The following SRBD1 variants were observed in gnomAD, a reference collection of about 807,000 sequenced individuals.
SRBD1 encodes the protein S1 RNA binding domain 1.
A neutral mutation model predicts 115.3 loss-of-function variants in SRBD1; 88 were observed. The observed-to-expected ratio is 0.76, with a 90% CI of 0.64 to 0.91. The LOEUF (loss-of-function observed/expected upper bound fraction) is 0.91. Ranked by LOEUF, SRBD1 falls within the 40% of genes least tolerant of loss-of-function variation. The pLI is 0.00. For synonymous variants in SRBD1, 509 were observed against 407.7 expected (o/e 1.25, Z -2.99); for missense variants, 1,385 against 1,177.4 (o/e 1.18, Z -2.58).
intron 19 of SRBD1, among the ~76,000 whole-genome samples, chr2:45,406,937 A>C (rs1369312119): frequency 6.6e-6 from 1 of 152,156 alleles, no homozygotes; most frequent in African/African-American, 2.4e-5. Flanking sequence ...TGTGCAGAAT[A>C]ATACATAGAG....
At chr2:45,585,835 T>A in intron 4 of SRBD1, 61 bp from the exon 5 acceptor site, 5 of 1,344,362 alleles carry the variant, frequency 3.7e-6, no homozygotes, top group Non-Finnish European at 4.0e-6. Flanking sequence ...ATATCATGTA[T>A]AATTTAAAAC....
chr2:45,475,848 G>A (rs542739790), intron 16 of SRBD1, among the ~76,000 whole-genome samples: 14 of 152,256 alleles, frequency 9.2e-5, no homozygotes, highest in South Asian at 2.1e-4. Flanking sequence ...ACAGGTGCGC[G>A]CCACCATACC....
chr2:45,476,914 A>T, intron 16 of SRBD1, 79 bp downstream of exon 16: 1 of 1,312,824 alleles, frequency 7.6e-7, no homozygotes, highest in Admixed American at 1.8e-5. Context: ...TCCCACAGAC[A>T]CTTAATTACT....
At chr2:45,488,168 T>G in intron 15 of SRBD1, 72 bp downstream of exon 15, 8 of 1,289,906 alleles carry the variant, frequency 6.2e-6, no homozygotes, top group African/African-American at 1.5e-5. Context: ...ATATTTAGAA[T>G]ATTTAGCATG....
At chr2:45,521,425 G>C (rs1042803370) in intron 14 of SRBD1, among the ~76,000 whole-genome samples, 2 of 151,756 alleles carry the variant, frequency 1.3e-5, no homozygotes, top group South Asian at 2.1e-4. Flanking sequence ...TTAGTCACTA[G>C]GGAAATGTAA....
At chr2:45,481,448 T>C (rs1669960759) in intron 15 of SRBD1, among the ~76,000 whole-genome samples, 2 of 151,706 alleles carry the variant, frequency 1.3e-5, no homozygotes, top group African/African-American at 2.4e-5. Context: ...AGAGGAAGAG[T>C]TATGGCCCAA....
At chr2:45,577,542 G>A (rs187664621) in intron 7 of SRBD1, among the ~76,000 whole-genome samples, 3 of 152,064 alleles carry the variant, frequency 2.0e-5, no homozygotes, top group Admixed American at 6.6e-5. Flanking sequence ...TCTTGGACAC[G>A]AAAGTAGTAT....
intron 16 of SRBD1, among the ~76,000 whole-genome samples, chr2:45,446,508 G>A (rs1668828010): frequency 6.6e-6 from 1 of 152,038 alleles, no homozygotes; most frequent in Non-Finnish European, 1.5e-5. Flanking sequence ...TTAAGGATTG[G>A]GGATCCTTTT....
chr2:45,475,027 T>C (rs1044649607), intron 16 of SRBD1, among the ~76,000 whole-genome samples: 23 of 152,190 alleles, frequency 1.5e-4, no homozygotes, highest in African/African-American at 5.3e-4. Context: ...AATGTTAATA[T>C]GGCTATTTTT....
At chr2:45,551,324 A>G in intron 11 of SRBD1, 42 bp from the exon 12 acceptor site, 1 of 1,559,030 alleles carries the variant, frequency 6.4e-7, no homozygotes, top group Non-Finnish European at 8.6e-7. Context: ...CATTCACCCA[A>G]ATTTTCTTTC....
At chr2:45,500,605 G>C (rs1670601378) in intron 14 of SRBD1, among the ~76,000 whole-genome samples, 1 of 151,864 alleles carries the variant, frequency 6.6e-6, no homozygotes, top group Non-Finnish European at 1.5e-5. Context: ...TTGTAGACAT[G>C]GGGTTTCACC....
At chr2:45,440,911 C>G (rs1419563467) in intron 16 of SRBD1, among the ~76,000 whole-genome samples, 1 of 151,964 alleles carries the variant, frequency 6.6e-6, no homozygotes, top group Non-Finnish European at 1.5e-5. Context: ...TTTGAGGAGA[C>G]AGAGGTTGGA....
chr2:45,531,053 C>T (rs80262702), intron 14 of SRBD1, among the ~76,000 whole-genome samples: 2,519 of 151,914 alleles, frequency 0.017, 70 homozygotes, highest in African/African-American at 0.057. Context: ...ACATACTAGG[C>T]TATCTCTCTT....
chr2:45,610,537 C>T (rs550216863), intron 1 of SRBD1, among the ~76,000 whole-genome samples: 1 of 152,182 alleles, frequency 6.6e-6, no homozygotes, highest in Admixed American at 6.5e-5. Context: ...GCCTGGAACA[C>T]CAAGACTAGT....
chr2:45,581,255 T>C lies in SRBD1; in HGVS notation c.933+438A>G, dbSNP rs577481944. Among the ~76,000 whole-genome samples, 59 of 152,316 alleles carry C rather than the reference T, an allele frequency of 3.9e-4. 1 individual carries two copies. The highest frequency in any genetic ancestry group is 1.4e-3 in the African/African-American group (57 of 41,578). On this transcript the variant is annotated intron_variant, in intron 6 of 20. Transcript: ENST00000263736. ...TCTCTATTTTTTTCCTACCTCCTTA[T>C]GCTCTCACATCCTCCATCCACACTT... is the stretch of plus-strand genomic sequence containing the variant.
At chr2:45,414,311 G>GA (rs1323047964) in intron 18 of SRBD1, among the ~76,000 whole-genome samples, 1 of 151,910 alleles carries the variant, frequency 6.6e-6, no homozygotes, top group African/African-American at 2.4e-5. Context: ...ATAAATCAAA[G>GA]AAAAATGATG....
intron 19 of SRBD1, among the ~76,000 whole-genome samples, chr2:45,394,146 C>A (rs1667080188): frequency 6.6e-6 from 1 of 152,156 alleles, no homozygotes. Context: ...ATTCTTTATA[C>A]ATTATGTAAC....
chr2:45,593,888 G>C (rs1292518893), intron 4 of SRBD1, among the ~76,000 whole-genome samples: 1 of 152,148 alleles, frequency 6.6e-6, no homozygotes, highest in Non-Finnish European at 1.5e-5. Flanking sequence ...ACAGAAGGAG[G>C]AATTGGAAAA....
At chr2:45,472,975 G>A (rs1669695938) in intron 16 of SRBD1, among the ~76,000 whole-genome samples, 1 of 149,850 alleles carries the variant, frequency 6.7e-6, no homozygotes, top group South Asian at 2.1e-4. Context: ...TTCTTTAGGA[G>A]TGTCTCTTGC....
Sources: allele counts gnomAD v4.1 joint callset (sites outside exome capture counted in the v4.1 genomes callset), GRCh38; gene constraint gnomAD v4.1.1; transcripts MANE v1.5; gene names NCBI Gene and HGNC (gene_info 2026-07-23, HGNC 2026-07-21).